SPAG16: variants seen among roughly 807,000 people sequenced by gnomAD.
The protein encoded by SPAG16 is sperm associated antigen 16, also known as sperm-associated antigen 16 protein.
SPAG16 carries 86 observed loss-of-function variants against 80.4 expected under a neutral mutation model. That is an observed-to-expected ratio of 1.07 (90% confidence interval 0.90 to 1.28). The LOEUF (loss-of-function observed/expected upper bound fraction) is 1.28, where lower values mean the gene tolerates loss of function less well. Among genes scored for constraint, SPAG16 ranks in the 50% most tolerant of loss-of-function variants. The pLI, the probability that SPAG16 is intolerant of heterozygous loss-of-function variation, is 0.00. For missense variants in SPAG16, 870 were observed against 765.3 expected, an observed-to-expected ratio of 1.14 and a Z score of -1.61; for synonymous variants, 294 against 265.9, an observed-to-expected ratio of 1.11 and a Z score of -1.03.
At chr2:213,520,940 G>C (rs1465548222) in intron 10 of SPAG16, among the ~76,000 whole-genome samples, 1 of 152,142 alleles carries the variant, frequency 6.6e-6, no homozygotes, top group Non-Finnish European at 1.5e-5. Context: ...CATTTGGAGT[G>C]ACTTCCTTGA....
chr2:213,990,614 A>G (rs543285701), intron 12 of SPAG16, among the ~76,000 whole-genome samples: 2 of 152,248 alleles, frequency 1.3e-5, no homozygotes, highest in East Asian at 3.9e-4. Context: ...TATATTTACT[A>G]TTCATTAAGT....
intron 13 of SPAG16, among the ~76,000 whole-genome samples, chr2:214,091,831 C>T (rs974764632): frequency 4.6e-5 from 7 of 152,154 alleles, no homozygotes; most frequent in South Asian, 2.1e-4. Context: ...CTCTAATGAA[C>T]ATATTAACAA....
intron 11 of SPAG16, among the ~76,000 whole-genome samples, chr2:213,926,653 TA>T (rs2078493937): frequency 6.6e-6 from 1 of 152,164 alleles, no homozygotes. Flanking sequence ...ATTCATGTTA[TA>T]ACCTTACGTC....
At chr2:214,047,602 T>G (rs1031288884) in intron 13 of SPAG16, among the ~76,000 whole-genome samples, 12 of 152,110 alleles carry the variant, frequency 7.9e-5, no homozygotes, top group Non-Finnish European at 1.5e-4. Flanking sequence ...CAAGAAAACA[T>G]TGGTGAAAAT....
At chr2:214,268,217 G>C (rs898579168) in intron 15 of SPAG16, among the ~76,000 whole-genome samples, 2 of 151,618 alleles carry the variant, frequency 1.3e-5, no homozygotes, top group African/African-American at 4.8e-5. Flanking sequence ...CACTGTAGGT[G>C]GTATTGCAAA....
intron 15 of SPAG16, among the ~76,000 whole-genome samples, chr2:214,310,231 G>C (rs2125976696): frequency 6.6e-6 from 1 of 151,036 alleles, no homozygotes; most frequent in East Asian, 2.0e-4. Context: ...CTCCCTTGAA[G>C]GTGTGACTGT....
At chr2:214,233,883 G>T (rs552080003) in intron 15 of SPAG16, among the ~76,000 whole-genome samples, 29 of 151,978 alleles carry the variant, frequency 1.9e-4, no homozygotes, top group South Asian at 4.2e-4. Flanking sequence ...AACTTTTGTG[G>T]TTTTTTTAAT....
intron 9 of SPAG16, among the ~76,000 whole-genome samples, chr2:213,436,845 A>G (rs1455318260): frequency 1.3e-5 from 2 of 152,112 alleles, no homozygotes; most frequent in Non-Finnish European, 2.9e-5. Flanking sequence ...AATCTTTTAG[A>G]TATTTTTAAT....
At chr2:213,942,212 T>A (rs2079231007) in intron 12 of SPAG16, among the ~76,000 whole-genome samples, 1 of 152,168 alleles carries the variant, frequency 6.6e-6, no homozygotes, top group South Asian at 2.1e-4. Flanking sequence ...CCTACATCTG[T>A]TCAGCTGAGC....
chr2:214,205,851 T>C (rs993989360), intron 15 of SPAG16, among the ~76,000 whole-genome samples: 2 of 152,150 alleles, frequency 1.3e-5, no homozygotes, highest in African/African-American at 4.8e-5. Context: ...TTTGTGTGTG[T>C]TGGGAACATT....
chr2:213,305,573 T>C (rs186113087), intron 3 of SPAG16, among the ~76,000 whole-genome samples: 4 of 152,314 alleles, frequency 2.6e-5, no homozygotes, highest in East Asian at 1.9e-4. Flanking sequence ...TGAAGGGATG[T>C]TGAATTTTAT....
intron 11 of SPAG16, among the ~76,000 whole-genome samples, chr2:213,896,509 A>G (rs2076993932): frequency 6.6e-6 from 1 of 151,324 alleles, no homozygotes; most frequent in African/African-American, 2.4e-5. Flanking sequence ...CTGCAACACT[A>G]TTCACAGTAG....
At chr2:213,649,676 T>C (rs752252679) in intron 10 of SPAG16, among the ~76,000 whole-genome samples, 5 of 152,232 alleles carry the variant, frequency 3.3e-5, no homozygotes, top group Admixed American at 6.5e-5. Context: ...CTGAGCTCAA[T>C]TGATACTCCT....
intron 9 of SPAG16, among the ~76,000 whole-genome samples, chr2:213,462,718 T>C (rs2072447150): frequency 6.6e-6 from 1 of 152,176 alleles, no homozygotes; most frequent in Non-Finnish European, 1.5e-5. Flanking sequence ...TCTGCCATGA[T>C]TGTAAGTTTC....
intron 15 of SPAG16, among the ~76,000 whole-genome samples, chr2:214,349,054 A>C (rs1698240170): frequency 6.6e-6 from 1 of 152,142 alleles, no homozygotes; most frequent in Non-Finnish European, 1.5e-5. Flanking sequence ...GTAACTCAGT[A>C]ATGTCTTGGT....
At chr2:214,234,766 G>C (rs1688962583) in intron 15 of SPAG16, among the ~76,000 whole-genome samples, 1 of 151,928 alleles carries the variant, frequency 6.6e-6, no homozygotes, top group South Asian at 2.1e-4. Context: ...ACAAACTTTT[G>C]TTGAGCAAAA....
chr2:214,387,307 G>C (rs1485406709), intron 15 of SPAG16, among the ~76,000 whole-genome samples: 3 of 152,042 alleles, frequency 2.0e-5, no homozygotes, highest in Non-Finnish European at 4.4e-5. Context: ...CTATATTAAA[G>C]TAGAATTATC....
At chr2:213,561,757 A>T (rs987004248) in intron 10 of SPAG16, among the ~76,000 whole-genome samples, 2 of 152,076 alleles carry the variant, frequency 1.3e-5, no homozygotes, top group Non-Finnish European at 2.9e-5. Context: ...AACTGCCTTT[A>T]TTTTTATTAT....
rs192422946 is a variant in SPAG16, at chr2:213,410,524, C to T, written c.942+35405C>T. Among the ~76,000 whole-genome samples the T allele has an allele frequency of 6.1e-3, 928 of 152,240 alleles. 6 individuals carry two copies. Among genetic ancestry groups the T allele is most frequent in the Non-Finnish European group, 9.0e-3 (615 of 68,010 alleles). On this transcript the variant is annotated intron_variant, in intron 9 of 15. Transcript: ENST00000331683. ...GTAGTTGGTCCAACGTTCTGTGGCCCACTGAAGAGCAAAGATGGACTGCAA... is the reference window on the plus strand; with the variant it reads ...GTAGTTGGTCCAACGTTCTGTGGCCTACTGAAGAGCAAAGATGGACTGCAA...
Sources: allele counts gnomAD v4.1 joint callset (sites outside exome capture counted in the v4.1 genomes callset), GRCh38; gene constraint gnomAD v4.1.1; transcripts MANE v1.5; gene names NCBI Gene and HGNC (gene_info 2026-07-23, HGNC 2026-07-21).